HELZ: variants seen among roughly 807,000 people sequenced by gnomAD.
HELZ encodes helicase with zinc finger.
HELZ carries 23 observed loss-of-function variants against 218.2 expected under a neutral mutation model. That is an observed-to-expected ratio of 0.11 (90% confidence interval 0.08 to 0.15). The LOEUF is 0.15. HELZ is among the 10% of genes least tolerant of loss of function. The pLI is 1.00. For missense variants in HELZ, 1,813 were observed against 2,353.7 expected, an observed-to-expected ratio of 0.77 and a Z score of 4.75; for synonymous variants, 814 against 829.4, an observed-to-expected ratio of 0.98 and a Z score of 0.32.
chr17:67,221,815 TTTG>T (rs963502330), intron 3 of HELZ, among the ~76,000 whole-genome samples: 6 of 152,000 alleles, frequency 3.9e-5, no homozygotes, highest in Admixed American at 6.6e-5. Context: ...TATAAAGTTT[TTTG>T]TTGTTGTTGT....
chr17:67,236,929 C>T (rs1219280923), intron 3 of HELZ, among the ~76,000 whole-genome samples: 1 of 152,186 alleles, frequency 6.6e-6, no homozygotes, highest in Non-Finnish European at 1.5e-5. Context: ...GTCATGATGA[C>T]CTATACTAAC....
chr17:67,209,695 T>C (rs2040403262), intron 5 of HELZ, among the ~76,000 whole-genome samples: 1 of 152,054 alleles, frequency 6.6e-6, no homozygotes, highest in South Asian at 2.1e-4. Flanking sequence ...AGACTTCAGT[T>C]CAAAACCACA....
chr17:67,118,666 C>T (rs976095491), intron 27 of HELZ, among the ~76,000 whole-genome samples: 1 of 103,864 alleles, frequency 9.6e-6, no homozygotes, highest in Non-Finnish European at 1.8e-5. Context: ...GACTGCCCAA[C>T]ACAGCAAGAC....
intron 21 of HELZ, among the ~76,000 whole-genome samples, chr17:67,144,000 T>C (rs1206885450): frequency 6.6e-6 from 1 of 152,206 alleles, no homozygotes; most frequent in Non-Finnish European, 1.5e-5. Context: ...ATGTAAACTC[T>C]TTTCAAATGC....
intron 32 of HELZ, among the ~76,000 whole-genome samples, chr17:67,078,846 C>T (rs1175604671): frequency 6.6e-6 from 1 of 152,164 alleles, no homozygotes. Context: ...TGAAGGCTTG[C>T]TGAAAAATAA....
chr17:67,079,858 A>T (rs1229625111), intron 32 of HELZ, among the ~76,000 whole-genome samples: 1 of 152,182 alleles, frequency 6.6e-6, no homozygotes, highest in African/African-American at 2.4e-5. Context: ...CCATTATTCT[A>T]TTGGACATAC....
intron 21 of HELZ, among the ~76,000 whole-genome samples, chr17:67,141,282 G>C (rs866558956): frequency 2.0e-5 from 3 of 152,168 alleles, no homozygotes. Flanking sequence ...ATATAACAAC[G>C]TAATGTTTGA....
intron 31 of HELZ, among the ~76,000 whole-genome samples, chr17:67,092,833 C>T (rs1349942507): frequency 2.0e-5 from 3 of 149,308 alleles, no homozygotes; most frequent in Admixed American, 6.8e-5. Context: ...GGAGTGGTGG[C>T]GGGTGACTGT....
chr17:67,162,678 T>G (rs2039024971), intron 15 of HELZ, among the ~76,000 whole-genome samples: 1 of 151,880 alleles, frequency 6.6e-6, no homozygotes, highest in African/African-American at 2.4e-5. Flanking sequence ...CAGGAAGAAG[T>G]CCTGAGAAGG....
chr17:67,084,934 C>T (rs749811578), intron 32 of HELZ, among the ~76,000 whole-genome samples: 9 of 151,994 alleles, frequency 5.9e-5, no homozygotes, highest in Non-Finnish European at 1.2e-4. Flanking sequence ...GATGTAGCCC[C>T]GCCTCTACTA....
intron 3 of HELZ, chr17:67,224,839 C>A (rs2040847811): frequency 8.0e-6 from 8 of 1,001,674 alleles, no homozygotes; most frequent in Middle Eastern, 3.3e-4. Flanking sequence ...CCAGGGAAAG[C>A]AGCGTTATGA....
At chr17:67,161,279 T>C (rs750360544) in intron 15 of HELZ, among the ~76,000 whole-genome samples, 1 of 152,184 alleles carries the variant, frequency 6.6e-6, no homozygotes, top group Non-Finnish European at 1.5e-5. Context: ...TAAATCAAAA[T>C]TAATTTTATC....
At chr17:67,166,254 T>TAA (rs1329529282) in intron 15 of HELZ, among the ~76,000 whole-genome samples, 2 of 152,292 alleles carry the variant, frequency 1.3e-5, no homozygotes, top group Admixed American at 1.3e-4. Flanking sequence ...CCTATCAAAT[T>TAA]AAGGCTGTTG....
At chr17:67,191,592 C>T (rs2039897295) in intron 9 of HELZ, among the ~76,000 whole-genome samples, 2 of 151,836 alleles carry the variant, frequency 1.3e-5, no homozygotes, top group Non-Finnish European at 1.5e-5. Context: ...GCTGGGATTA[C>T]AGGTGCCTGC....
chr17:67,211,531 C>A (rs2040450575), intron 5 of HELZ, among the ~76,000 whole-genome samples: 2 of 152,068 alleles, frequency 1.3e-5, no homozygotes, highest in Non-Finnish European at 2.9e-5. Context: ...ATCATTTACT[C>A]TACTTTCCTG....
Position 67,136,062 on chromosome 17 carries a change from G to A in HELZ, c.3090C>T (p.Asn1030=), listed in dbSNP as rs960919342. The A allele has an allele frequency of 8.7e-6, 14 of 1,613,720 alleles. No homozygotes were observed. The highest frequency in any genetic ancestry group is 4.0e-5 in the African/African-American group (3 of 74,896). The change falls in exon 23 of 33, where the codon AAC becomes AAT. Residue 1030 remains asparagine, a synonymous_variant. Coordinates refer to ENST00000358691, the MANE Select transcript of HELZ (RefSeq NM_014877.4). ...TGATGGCAGTATTGAGAAGCTTGTAGTTAGATAAAAAACCATAATCTAAGT... is the reference window on the plus strand; with the variant it reads ...TGATGGCAGTATTGAGAAGCTTGTAATTAGATAAAAAACCATAATCTAAGT... ...TEDLDYGFLS[N]YKLLNTAITR...
At chr17:67,128,526 C>T (rs2037873983) in intron 24 of HELZ, 125 bp downstream of exon 24, 3 of 817,614 alleles carry the variant, frequency 3.7e-6, no homozygotes, top group Non-Finnish European at 6.2e-6. Context: ...CTTGCAGAAA[C>T]CGCTTGCCGC....
At chr17:67,199,313 A>G (rs960568178) in intron 7 of HELZ, among the ~76,000 whole-genome samples, 3 of 151,384 alleles carry the variant, frequency 2.0e-5, no homozygotes, top group Non-Finnish European at 4.4e-5. Context: ...CCTGGGTTCA[A>G]GCCATTCTCC....
intron 17 of HELZ, among the ~76,000 whole-genome samples, chr17:67,159,548 A>T (rs964242056): frequency 2.0e-5 from 3 of 152,190 alleles, no homozygotes; most frequent in Non-Finnish European, 4.4e-5. Flanking sequence ...TAGTTTGTAA[A>T]ATGGCAAAAC....
Sources: gnomAD v4.1 joint callset for allele counts (sites outside exome capture counted in the v4.1 genomes callset) on GRCh38, gnomAD v4.1.1 for gene constraint, MANE v1.5 for transcripts, NCBI Gene and HGNC (gene_info 2026-07-23, HGNC 2026-07-21) for gene names.